The following MACROD2 variants were observed in gnomAD, a reference collection of about 807,000 sequenced individuals.
The protein encoded by MACROD2 is mono-ADP ribosylhydrolase 2.
MACROD2 carries 36 observed loss-of-function variants against 70.4 expected under a neutral mutation model. That is an observed-to-expected ratio of 0.51 (90% CI 0.39 to 0.68). The LOEUF (loss-of-function observed/expected upper bound fraction) is 0.68, where lower values mean the gene tolerates loss of function less well. MACROD2 is among the 30% of genes least tolerant of loss of function. The pLI is 0.00. For synonymous variants in MACROD2, 172 were observed against 178.8 expected (o/e 0.96, Z 0.30); for missense variants, 496 against 538.4 (o/e 0.92, Z 0.78).
intron 3 of MACROD2, among the ~76,000 whole-genome samples, chr20:14,409,469 A>G (rs1398260504): frequency 6.6e-6 from 1 of 151,994 alleles, no homozygotes; most frequent in Non-Finnish European, 1.5e-5. Context: ...AGGTGAGGCA[A>G]CCGAGACCCA....
In MACROD2 at chr20:15,899,226, A is replaced by G. The variant is rs73597705; in HGVS notation, c.775+13415A>G. Among the ~76,000 whole-genome samples the G allele has an allele frequency of 3.9e-3, 589 of 152,212 alleles. 2 individuals carry two copies. Among genetic ancestry groups the G allele is most frequent in the South Asian group, 0.023 (113 of 4,832 alleles). On this transcript the variant is annotated intron_variant, in intron 10 of 17. Transcript: ENST00000684519. ...TATCTAATCACACAGACATATATGT[A>G]TATATGTATATGTGTGTATATGTAC...
intron 8 of MACROD2, among the ~76,000 whole-genome samples, chr20:15,585,103 A>G (rs1011528343): frequency 3.3e-5 from 5 of 152,140 alleles, no homozygotes; most frequent in African/African-American, 1.2e-4. Flanking sequence ...TCAGTGGGTC[A>G]GTGGTCCCCC....
intron 8 of MACROD2, among the ~76,000 whole-genome samples, chr20:15,675,354 C>A (rs2050042007): frequency 6.6e-6 from 1 of 152,212 alleles, no homozygotes. Flanking sequence ...ACTCACCCTC[C>A]CTACATTGCT....
intron 3 of MACROD2, among the ~76,000 whole-genome samples, chr20:14,132,794 G>C (rs2054734851): frequency 6.6e-6 from 1 of 151,958 alleles, no homozygotes; most frequent in Non-Finnish European, 1.5e-5. Context: ...ACATGCCACT[G>C]TGCCTGGCTA....
chr20:14,047,884 A>C (rs2053501833), intron 2 of MACROD2, among the ~76,000 whole-genome samples: 1 of 152,200 alleles, frequency 6.6e-6, no homozygotes, highest in African/African-American at 2.4e-5. Context: ...AAACCTATGA[A>C]ATCAAGTTTT....
intron 6 of MACROD2, among the ~76,000 whole-genome samples, chr20:15,330,659 G>A (rs2146189929): frequency 6.6e-6 from 1 of 151,690 alleles, no homozygotes; most frequent in South Asian, 2.1e-4. Flanking sequence ...GCTAATTCAG[G>A]AAACTGCCAC....
chr20:14,586,519 G>T (rs188670091), intron 4 of MACROD2, among the ~76,000 whole-genome samples: 2 of 152,138 alleles, frequency 1.3e-5, no homozygotes, highest in East Asian at 3.9e-4. Context: ...AAGACGAAGA[G>T]AAATGGTTAT....
At position 14,491,450 on chromosome 20, in the gene MACROD2, TTG is replaced by T. The variant is rs368742248; in HGVS notation, c.272-2025_272-2024del. Among the ~76,000 whole-genome samples, 15 of 152,332 alleles carry T rather than the reference TTG, an allele frequency of 9.8e-5. 1 individual carries two copies. The South Asian group carries it at 2.9e-3, about 29-fold the overall frequency. ...ACACATGGAATTACCTTAAAAGTGA[TTG>T]TGTACTATGTAGAATATCACAATTT... On this transcript the variant is annotated intron_variant, in intron 3 of 17. Coordinates refer to ENST00000684519, the MANE Select transcript of MACROD2 (RefSeq NM_001351661.2).
At chr20:14,392,149 T>TGGAA (rs2083533580) in intron 3 of MACROD2, among the ~76,000 whole-genome samples, 1 of 152,068 alleles carries the variant, frequency 6.6e-6, no homozygotes, top group Non-Finnish European at 1.5e-5. Context: ...GAGTCCTAAA[T>TGGAA]GGAAACTGAG....
intron 13 of MACROD2, among the ~76,000 whole-genome samples, chr20:15,968,757 A>T: frequency 6.8e-6 from 1 of 147,160 alleles, no homozygotes. Context: ...AAAAATACAT[A>T]TATTTATATA....
chr20:15,508,890 C>G (rs1352130503), intron 8 of MACROD2, among the ~76,000 whole-genome samples: 1 of 152,184 alleles, frequency 6.6e-6, no homozygotes, highest in South Asian at 2.1e-4. Context: ...AGAACCCATT[C>G]TGTTGGCTCA....
chr20:15,404,574 G>A (rs933147276), intron 6 of MACROD2, among the ~76,000 whole-genome samples: 18 of 152,204 alleles, frequency 1.2e-4, no homozygotes, highest in Non-Finnish European at 2.2e-4. Flanking sequence ...GTCTCTGGCT[G>A]TTTCAGAGAG....
chr20:14,201,023 T>C (rs6033899), intron 3 of MACROD2, among the ~76,000 whole-genome samples: 1,954 of 152,224 alleles, frequency 0.013, 42 homozygotes, highest in African/African-American at 0.044. Flanking sequence ...TGTTTATGTT[T>C]TTTAAACACA....
intron 3 of MACROD2, among the ~76,000 whole-genome samples, chr20:14,298,355 G>GTC (rs1292149637): frequency 1.3e-5 from 2 of 151,716 alleles, no homozygotes; most frequent in Non-Finnish European, 2.9e-5. Flanking sequence ...ATCACCTGAG[G>GTC]TCAGGAGTTC....
At chr20:14,517,279 G>A (rs2123165862) in intron 4 of MACROD2, among the ~76,000 whole-genome samples, 1 of 152,218 alleles carries the variant, frequency 6.6e-6, no homozygotes, top group South Asian at 2.1e-4. Context: ...CAAAGACTTG[G>A]AACCAACCCA....
At chr20:14,244,709 G>A (rs1324804664) in intron 3 of MACROD2, among the ~76,000 whole-genome samples, 1 of 152,168 alleles carries the variant, frequency 6.6e-6, no homozygotes, top group African/African-American at 2.4e-5. Flanking sequence ...GCTGAGCGCT[G>A]GAGCCTCCAG....
intron 3 of MACROD2, among the ~76,000 whole-genome samples, chr20:14,241,939 G>A (rs2081933039): frequency 6.6e-6 from 1 of 152,118 alleles, no homozygotes; most frequent in East Asian, 1.9e-4. Flanking sequence ...ACCTATAGTA[G>A]ATGTCATAAA....
At chr20:15,911,054 C>A (rs2065229394) in intron 10 of MACROD2, among the ~76,000 whole-genome samples, 1 of 152,104 alleles carries the variant, frequency 6.6e-6, no homozygotes, top group South Asian at 2.1e-4. Flanking sequence ...TCAATAGCTC[C>A]CATGAAAGAT....
chr20:15,482,482 G>A (rs2047111317), intron 7 of MACROD2, among the ~76,000 whole-genome samples: 1 of 152,186 alleles, frequency 6.6e-6, no homozygotes. Flanking sequence ...CTTCATTGCT[G>A]GTCTTGGCAT....
Sources: gnomAD v4.1 joint callset for allele counts (sites outside exome capture counted in the v4.1 genomes callset) on GRCh38, gnomAD v4.1.1 for gene constraint, MANE v1.5 for transcripts, NCBI Gene and HGNC (gene_info 2026-07-23, HGNC 2026-07-21) for gene names.